CCDC32: variants seen among roughly 807,000 people sequenced by gnomAD.
CCDC32 encodes coiled-coil domain-containing protein 32.
A neutral mutation model predicts 20.1 loss-of-function variants in CCDC32; 9 were observed. That is an observed-to-expected ratio of 0.45 (90% CI 0.27 to 0.78). The LOEUF is 0.78. Ranked by LOEUF, CCDC32 falls within the 30% of genes least tolerant of loss-of-function variation. The probability of loss-of-function intolerance (pLI) is 0.16; values close to 1 mark genes in which losing one functional copy is unlikely to be tolerated. For missense variants in CCDC32, 204 were observed against 215.5 expected (o/e 0.95, Z 0.33); for synonymous variants, 63 against 79.0 (o/e 0.80, Z 1.07).
chr15:40,553,943 TGTGTGTGTGTGTGTG>T lies in CCDC32; in HGVS notation c.*13_*27del. Reference sequence around the variant, plus strand: ...GTGTGTGTGTGTGTGTGTGTGTGTGTGTGTGTGTGTGTGTGTGTGTGTGTAATTTACTGTTCTGCT... The same window carrying T: ...GTGTGTGTGTGTGTGTGTGTGTGTGTTGTGTGTGTAATTTACTGTTCTGCT... On this transcript the variant is annotated 3_prime_UTR_variant, in exon 4 of 4. Transcript: ENST00000416810. 3.2e-6 allele frequency: 2 copies of T among 615,704 alleles called. No homozygotes were observed. Among genetic ancestry groups the T allele is most frequent in the Non-Finnish European group, 5.3e-6 (2 of 378,380 alleles). The allele number at this position is 615,704 out of a possible 1,614,324, so 38.1% of individuals were successfully genotyped here.
At chr15:40,524,253 T>C (rs1378102012), downstream of CCDC32, among the ~76,000 whole-genome samples, 1 of 148,112 alleles carries the variant, frequency 6.8e-6, no homozygotes, top group African/African-American at 2.5e-5. Context: ...GCCTCCCAGG[T>C]TGACGCCATT....
At chr15:40,551,844 C>T (rs1286396359), downstream of CCDC32, among the ~76,000 whole-genome samples, 1 of 133,272 alleles carries the variant, frequency 7.5e-6, no homozygotes, top group Non-Finnish European at 1.6e-5. Flanking sequence ...AAAAGGTTAA[C>T]CATTAGTCAA....
intron 3 of CCDC32, among the ~76,000 whole-genome samples, chr15:40,540,995 A>T (rs1889366928): frequency 6.6e-6 from 1 of 152,196 alleles, no homozygotes; most frequent in Admixed American, 6.5e-5. Flanking sequence ...ACTGGGCCAC[A>T]GAGACCAAAA....
intron 1 of CCDC32, chr15:40,564,767 C>T (rs1466776376): frequency 6.2e-7 from 1 of 1,614,182 alleles, no homozygotes; most frequent in Non-Finnish European, 8.5e-7. Context: ...TTTGCTCACA[C>T]CAGAGCCCCG....
downstream of CCDC32, among the ~76,000 whole-genome samples, chr15:40,531,179 G>T (rs959089375): frequency 6.6e-6 from 1 of 151,482 alleles, no homozygotes; most frequent in African/African-American, 2.4e-5. Context: ...GGGTAGGAGG[G>T]TGGGAGGTGG....
chr15:40,543,084 A>G (rs1266035444), intron 3 of CCDC32, among the ~76,000 whole-genome samples: 2 of 151,614 alleles, frequency 1.3e-5, no homozygotes, highest in Non-Finnish European at 1.5e-5. Context: ...TGAGGCTGCA[A>G]TAAGCTGTGA....
chr15:40,532,522 C>A (rs1308441111), downstream of CCDC32, among the ~76,000 whole-genome samples: 1 of 152,078 alleles, frequency 6.6e-6, no homozygotes, highest in Non-Finnish European at 1.5e-5. Flanking sequence ...TCACCATGAG[C>A]CCATCATCTT....
chr15:40,522,949 C>G, the CCDC32 span, among the ~76,000 whole-genome samples: 1 of 151,400 alleles, frequency 6.6e-6, no homozygotes, highest in East Asian at 1.9e-4. Flanking sequence ...GCCTCAACCT[C>G]CCGAGTAGTG....
intron 1 of CCDC32, 173 bp downstream of exon 1, chr15:40,564,803 C>G: frequency 6.2e-7 from 1 of 1,614,070 alleles, no homozygotes; most frequent in Non-Finnish European, 8.5e-7. Context: ...CAGGGCAGGG[C>G]GTCCAGAACC....
chr15:40,563,704 AC>A (rs1890816035), intron 1 of CCDC32, among the ~76,000 whole-genome samples: 14 of 87,686 alleles, frequency 1.6e-4, no homozygotes, highest in Admixed American at 1.4e-3. Flanking sequence ...ACACACACAC[AC>A]ACAAATCTGT....
At chr15:40,563,059 T>A (rs1187969845) in intron 1 of CCDC32, 32 bp from the exon 2 acceptor site, 1 of 1,601,674 alleles carries the variant, frequency 6.2e-7, no homozygotes, top group Non-Finnish European at 8.5e-7. Context: ...GAGTAAGAAC[T>A]GGCTTTAAGA....
intron 2 of CCDC32, among the ~76,000 whole-genome samples, chr15:40,559,135 G>A (rs974378230): frequency 3.9e-5 from 6 of 152,196 alleles, no homozygotes; most frequent in Admixed American, 3.9e-4. Flanking sequence ...CACCCAGGCT[G>A]GAGTGCAGTG....
chr15:40,530,980 G>A (rs1363187452), downstream of CCDC32, among the ~76,000 whole-genome samples: 1 of 151,642 alleles, frequency 6.6e-6, no homozygotes, highest in Non-Finnish European at 1.5e-5. Flanking sequence ...AAAGTGCTGG[G>A]TTTACAGGCA....
At position 40,557,276 on chromosome 15, in the gene CCDC32, C is replaced by T. The variant is rs374675270; in HGVS notation, c.341G>A (p.Arg114Gln). 26 of 1,614,076 alleles carry T rather than the reference C, an allele frequency of 1.6e-5. No homozygotes were observed. In the Middle Eastern group the frequency reaches 8.2e-4, roughly 51 times the overall value. ...TGAAGCTAACTTCTCCTGGAGGAAC[C>T]GATCCCAGCATTCCTTCTTGGCTTG... ...LAQAKKECWD[R>Q]FLQEKLASEF... is the part of the protein sequence containing the mutation. The change falls in exon 3 of 4, where the codon CGG becomes CAG. Residue 114 changes from arginine to glutamine, a missense_variant. Coordinates refer to ENST00000416810, the MANE Select transcript of CCDC32 (RefSeq NM_001080792.4).
At chr15:40,562,599 A>G (rs531197137) in intron 2 of CCDC32, among the ~76,000 whole-genome samples, 173 bp downstream of exon 2, 24 of 152,270 alleles carry the variant, frequency 1.6e-4, no homozygotes, top group African/African-American at 4.8e-4. Flanking sequence ...ATAAAAATAA[A>G]AAAAGATCTG....
chr15:40,545,841 A>G (rs1344223668), intron 3 of CCDC32, among the ~76,000 whole-genome samples: 2 of 152,110 alleles, frequency 1.3e-5, no homozygotes, highest in Non-Finnish European at 2.9e-5. Context: ...CTCCTTGCAA[A>G]TGCTCCCATA....
chr15:40,533,007 T>C (rs12594548), downstream of CCDC32, among the ~76,000 whole-genome samples: 72,537 of 151,946 alleles, frequency 0.48, 19,500 homozygotes, highest in East Asian at 0.75. Context: ...ACCTGGCCAA[T>C]TTACAATATT....
chr15:40,540,335 G>A (rs895898402), intron 3 of CCDC32, among the ~76,000 whole-genome samples: 2 of 150,422 alleles, frequency 1.3e-5, no homozygotes, highest in African/African-American at 4.9e-5. Context: ...TGAATTCTTT[G>A]TCGTTCTTCT....
At chr15:40,531,596 TTTGCATA>T (rs1476964579), downstream of CCDC32, 93 of 152,150 alleles carry the variant, frequency 6.1e-4, no homozygotes, top group African/African-American at 2.1e-3. Flanking sequence ...GGGTTTAAAT[TTTGCATA>T]GATTTTGATT....
Sources: allele counts gnomAD v4.1 joint callset (sites outside exome capture counted in the v4.1 genomes callset), GRCh38; gene constraint gnomAD v4.1.1; transcripts MANE v1.5; gene names NCBI Gene and HGNC (gene_info 2026-07-23, HGNC 2026-07-21).